CEP72: variants seen among roughly 807,000 people sequenced by gnomAD.
The protein encoded by CEP72 is centrosomal protein of 72 kDa.
Under a neutral mutation model 65.7 loss-of-function variants are expected in CEP72, and 78 were observed. The ratio of observed to expected loss-of-function variants is 1.19; its 90% CI spans 0.99 to 1.43. CEP72 has a LOEUF of 1.43. Among genes scored for constraint, CEP72 ranks in the 40% most tolerant of loss-of-function variants. CEP72 has a pLI of 0.00. For synonymous variants in CEP72, 358 were observed against 351.7 expected (o/e 1.02, Z -0.20); for missense variants, 914 against 832.9 (o/e 1.10, Z -1.20).
At chr5:648,590 T>TGACTGTGAGGCGTG (rs1436299177) in intron 11 of CEP72, among the ~76,000 whole-genome samples, 1 of 131,304 alleles carries the variant, frequency 7.6e-6, no homozygotes, top group Admixed American at 7.9e-5. Flanking sequence ...CTGTGAGGTG[T>TGACTGTGAGGCGTG]GACTGTGAGG....
At chr5:668,358 C>T (rs1292661994), downstream of CEP72, among the ~76,000 whole-genome samples, 3 of 110,850 alleles carry the variant, frequency 2.7e-5, no homozygotes, top group African/African-American at 1.3e-4. Flanking sequence ...TGCGGACAAG[C>T]ACACTGGAGA....
the CEP72 span, among the ~76,000 whole-genome samples, chr5:672,588 G>C: frequency 6.6e-6 from 1 of 152,244 alleles, no homozygotes; most frequent in Non-Finnish European, 1.5e-5. Flanking sequence ...CCCAGAGGCT[G>C]GTGGTGTTTG....
At chr5:628,227 TC>T (rs1481604558) in intron 4 of CEP72, among the ~76,000 whole-genome samples, 2 of 152,240 alleles carry the variant, frequency 1.3e-5, no homozygotes, top group African/African-American at 4.8e-5. Context: ...TGTCCACAGT[TC>T]CCGTCTTTGA....
intron 4 of CEP72, among the ~76,000 whole-genome samples, chr5:633,029 G>A (rs1430520304): frequency 5.0e-5 from 3 of 60,220 alleles, no homozygotes; most frequent in East Asian, 4.1e-4. Context: ...GTGGGGTTCT[G>A]TCCAGTGCCG....
chr5:616,100 C>G (rs569841479), intron 1 of CEP72, among the ~76,000 whole-genome samples: 2 of 152,180 alleles, frequency 1.3e-5, no homozygotes, highest in East Asian at 3.9e-4. Flanking sequence ...TTTATCTGTT[C>G]TGTTATTTTT....
intron 1 of CEP72, among the ~76,000 whole-genome samples, chr5:617,936 A>C (rs1736100608): frequency 2.0e-5 from 3 of 152,242 alleles, no homozygotes; most frequent in Admixed American, 2.0e-4. Flanking sequence ...ATGTATTCGG[A>C]TCTAAACTGC....
rs942428416 is a variant in CEP72, at chr5:637,883, C to G, written c.1206+65C>G. ...CCTCCCTAATGTGGGGCTGTTACGGCTTTGGCGGGGCCGTGATTACGCCTG... is the reference window on the plus strand; with the variant it reads ...CCTCCCTAATGTGGGGCTGTTACGGGTTTGGCGGGGCCGTGATTACGCCTG... On this transcript the variant is annotated intron_variant, in intron 7 of 11. Coordinates refer to ENST00000264935, the MANE Select transcript of CEP72 (RefSeq NM_018140.4). 1.9e-4 allele frequency: 272 copies of G among 1,410,786 alleles called. 1 individual carries two copies. The highest frequency in any genetic ancestry group is 4.8e-5 in the Non-Finnish European group (51 of 1,061,804). 87.4% of individuals were successfully genotyped at this position (1,410,786 alleles called of 1,614,324 possible). A position where few individuals can be genotyped will look rare whatever the true frequency, so the allele number is the denominator to read the frequency against.
At chr5:673,819 G>T in the CEP72 span, among the ~76,000 whole-genome samples, 309 of 152,294 alleles carry the variant, frequency 2.0e-3, 1 homozygote, top group African/African-American at 7.2e-3. Context: ...ACCAGCTGGG[G>T]CTCCTCCGGC....
At chr5:646,886 G>A (rs1479026140) in intron 10 of CEP72, among the ~76,000 whole-genome samples, 2 of 152,198 alleles carry the variant, frequency 1.3e-5, no homozygotes, top group African/African-American at 2.4e-5. Flanking sequence ...CCAGCCTCTT[G>A]TGTTTGGGGT....
intron 11 of CEP72, among the ~76,000 whole-genome samples, chr5:649,605 G>A: frequency 8.5e-6 from 1 of 117,534 alleles, no homozygotes; most frequent in African/African-American, 3.2e-5. Flanking sequence ...TGACTGTGAG[G>A]CGTGGACTGT....
chr5:666,130 G>A, intron 4 of CEP72: 2 of 1,527,310 alleles, frequency 1.3e-6, no homozygotes, highest in East Asian at 2.3e-5. Flanking sequence ...CCCTCTACAG[G>A]GGCACAGGCG....
downstream of CEP72, among the ~76,000 whole-genome samples, chr5:669,911 T>C (rs1740147071): frequency 6.6e-6 from 1 of 152,118 alleles, no homozygotes. Context: ...AGTGGGCCTG[T>C]CCTCCAGAGA....
At chr5:634,840 G>A (rs1737479256) in intron 5 of CEP72, among the ~76,000 whole-genome samples, 1 of 152,208 alleles carries the variant, frequency 6.6e-6, no homozygotes. Flanking sequence ...GCTTTGAAGA[G>A]CACAAGTTTT....
chr5:637,946 AC>A (rs1485034026), intron 7 of CEP72, 128 bp downstream of exon 7: 32 of 928,282 alleles, frequency 3.4e-5, no homozygotes, highest in Non-Finnish European at 4.8e-5. Context: ...CAGGGCTGTT[AC>A]GGCGGTGCCG....
intron 9 of CEP72, chr5:641,454 C>A (rs1258639769): frequency 1.3e-5 from 13 of 985,360 alleles, no homozygotes; most frequent in African/African-American, 1.7e-5. Context: ...ACTTGTCTGA[C>A]AAGTACATAC....
At chr5:619,740 G>T (rs189960300) in intron 2 of CEP72, among the ~76,000 whole-genome samples, 30 of 152,354 alleles carry the variant, frequency 2.0e-4, no homozygotes, top group South Asian at 4.1e-4. Flanking sequence ...GTGAAGGGGG[G>T]GCTGATGGTT....
downstream of CEP72, among the ~76,000 whole-genome samples, chr5:669,142 T>C (rs1211689057): frequency 6.6e-6 from 1 of 152,190 alleles, no homozygotes; most frequent in Non-Finnish European, 1.5e-5. Context: ...GGCCTCGCTG[T>C]GTCCGGAGGG....
intron 2 of CEP72, among the ~76,000 whole-genome samples, chr5:619,419 GGA>G (rs1340074636): frequency 2.6e-5 from 4 of 152,220 alleles, no homozygotes; most frequent in Admixed American, 2.6e-4. Flanking sequence ...GGGTCACCCT[GGA>G]GAGAGATGCC....
At chr5:652,908 G>A (rs1220982153) in intron 11 of CEP72, 80 bp from the exon 12 acceptor site, 3 of 1,420,118 alleles carry the variant, frequency 2.1e-6, no homozygotes, top group South Asian at 1.5e-5. Context: ...ATGCAGGGAG[G>A]TGGGCAGGCC....
Sources: allele counts gnomAD v4.1 joint callset (sites outside exome capture counted in the v4.1 genomes callset), GRCh38; gene constraint gnomAD v4.1.1; transcripts MANE v1.5; gene names NCBI Gene and HGNC (gene_info 2026-07-23, HGNC 2026-07-21).